The following FNDC3B variants were observed in gnomAD, a reference collection of about 807,000 sequenced individuals.
FNDC3B encodes the protein fibronectin type III domain-containing protein 3B.
Under a neutral mutation model 151.5 loss-of-function variants are expected in FNDC3B, and 12 were observed. The observed-to-expected ratio is 0.08, with a 90% CI of 0.05 to 0.13. FNDC3B has a LOEUF of 0.13. Among genes scored for constraint, FNDC3B ranks in the 10% least tolerant of loss-of-function variants. The pLI is 1.00. For missense variants in FNDC3B, 1,214 were observed against 1,505.3 expected, an observed-to-expected ratio of 0.81 and a Z score of 3.20; for synonymous variants, 528 against 549.0, an observed-to-expected ratio of 0.96 and a Z score of 0.54.
At chr3:172,385,628 G>A (rs1005217755) in intron 25 of FNDC3B, among the ~76,000 whole-genome samples, 39 of 150,328 alleles carry the variant, frequency 2.6e-4, no homozygotes, top group Non-Finnish European at 4.1e-4. Flanking sequence ...GCGTGATCTC[G>A]GCTCACTGCA....
intron 2 of FNDC3B, among the ~76,000 whole-genome samples, chr3:172,125,852 C>T (rs974720055): frequency 1.4e-4 from 22 of 151,966 alleles, no homozygotes; most frequent in Non-Finnish European, 1.8e-4. Flanking sequence ...GATACCGTAC[C>T]GGGTTGCTCA....
chr3:172,104,865 T>G (rs908936159), intron 1 of FNDC3B, among the ~76,000 whole-genome samples: 1 of 152,222 alleles, frequency 6.6e-6, no homozygotes, highest in African/African-American at 2.4e-5. Flanking sequence ...TGTTGGTGTT[T>G]CCATGGTTAT....
At chr3:172,212,537 A>C (rs1243420128) in intron 3 of FNDC3B, among the ~76,000 whole-genome samples, 5 of 152,174 alleles carry the variant, frequency 3.3e-5, no homozygotes, top group Non-Finnish European at 7.3e-5. Context: ...AAGGCCTAGA[A>C]ATTTTGACGT....
At chr3:172,392,673 G>A (rs539000356) in intron 25 of FNDC3B, among the ~76,000 whole-genome samples, 1 of 152,124 alleles carries the variant, frequency 6.6e-6, no homozygotes, top group African/African-American at 2.4e-5. Flanking sequence ...AACTGAATAG[G>A]TGGCAAGTGT....
intron 6 of FNDC3B, among the ~76,000 whole-genome samples, chr3:172,261,555 A>G (rs1728648605): frequency 6.6e-6 from 1 of 152,204 alleles, no homozygotes; most frequent in Admixed American, 6.5e-5. Flanking sequence ...AACCAGACAC[A>G]CAGTGTAGCA....
intron 6 of FNDC3B, among the ~76,000 whole-genome samples, chr3:172,282,692 C>A (rs1271906468): frequency 6.6e-6 from 1 of 152,166 alleles, no homozygotes; most frequent in Admixed American, 6.5e-5. Flanking sequence ...TCTCTTTCTC[C>A]CATCCACCTC....
At chr3:172,080,443 A>AATTT (rs5854458) in intron 1 of FNDC3B, among the ~76,000 whole-genome samples, 4 of 149,236 alleles carry the variant, frequency 2.7e-5, no homozygotes, top group African/African-American at 2.5e-5. Flanking sequence ...GCTAATTTAA[A>AATTT]TTTTTTTTTT....
chr3:172,295,462 G>T lies in FNDC3B; in HGVS notation c.949G>T (p.Glu317Ter). 6.2e-7 allele frequency: 1 copy of T among 1,614,020 alleles called. No individual in the cohort carries two copies. Among genetic ancestry groups the T allele is most frequent in the Non-Finnish European group, 8.5e-7 (1 of 1,179,892 alleles). ...HSGLSFPYSYEVALSDKGRDG... is the reference protein window; with the variant it reads ...HSGLSFPYSY ...TGGTCTTTCCTTCCCCTACAGTTAC[G>T]AGGTGGCCTTATCAGACAAAGGACG... The change falls in exon 8 of 26, where the codon GAG (glutamate) becomes TAG (stop). Residue 317 changes from glutamate (E) to a stop codon, truncating the protein, a stop_gained. Coordinates refer to ENST00000415807, the MANE Select transcript of FNDC3B (RefSeq NM_022763.4). LOFTEE classifies it high-confidence loss of function.
At chr3:172,063,518 A>G (rs1717322885) in intron 1 of FNDC3B, among the ~76,000 whole-genome samples, 1 of 152,198 alleles carries the variant, frequency 6.6e-6, no homozygotes, top group Non-Finnish European at 1.5e-5. Flanking sequence ...AGGAATCTGC[A>G]CTGAGGTTTC....
At chr3:172,378,844 G>T (rs28602735) in intron 24 of FNDC3B, among the ~76,000 whole-genome samples, 109 of 152,200 alleles carry the variant, frequency 7.2e-4, no homozygotes, top group South Asian at 2.3e-3. Flanking sequence ...CTCTTTTGGC[G>T]CACAGCTCTT....
At chr3:172,366,390 A>C (rs1734622826) in intron 23 of FNDC3B, among the ~76,000 whole-genome samples, 1 of 152,106 alleles carries the variant, frequency 6.6e-6, no homozygotes, top group African/African-American at 2.4e-5. Flanking sequence ...AAGCATTGAG[A>C]GCTTTGTCTA....
chr3:172,320,909 G>T (rs1052849973), intron 11 of FNDC3B, among the ~76,000 whole-genome samples: 10 of 152,272 alleles, frequency 6.6e-5, no homozygotes, highest in Middle Eastern at 3.4e-3. Flanking sequence ...ACTTGAAAAA[G>T]TTCTTTTGTT....
intron 7 of FNDC3B, 56 bp downstream of exon 7, chr3:172,286,040 GC>G (rs1729992183): frequency 5.2e-6 from 7 of 1,340,788 alleles, no homozygotes; most frequent in Non-Finnish European, 4.1e-6. Context: ...TTTCAAATGT[GC>G]TTTTTTTTTT....
chr3:172,092,794 A>G (rs1424322159), intron 1 of FNDC3B, among the ~76,000 whole-genome samples: 1 of 152,172 alleles, frequency 6.6e-6, no homozygotes, highest in Non-Finnish European at 1.5e-5. Flanking sequence ...AGGGCAGAGT[A>G]GGAAATACAT....
intron 12 of FNDC3B, 120 bp from the exon 13 acceptor site, chr3:172,330,421 G>T: frequency 1.3e-6 from 1 of 783,048 alleles, no homozygotes; most frequent in Non-Finnish European, 2.0e-6. Flanking sequence ...TCCTTACCTG[G>T]CTTTGCTTAC....
chr3:172,115,047 A>G (rs988853246), intron 2 of FNDC3B, among the ~76,000 whole-genome samples: 1 of 152,230 alleles, frequency 6.6e-6, no homozygotes. Flanking sequence ...TCTCAGCAGG[A>G]CCAGCCCAAG....
intron 3 of FNDC3B, among the ~76,000 whole-genome samples, chr3:172,219,164 T>A (rs1726143406): frequency 6.6e-6 from 1 of 152,220 alleles, no homozygotes; most frequent in Non-Finnish European, 1.5e-5. Flanking sequence ...ATTACTAACG[T>A]TTCCACAAGA....
intron 25 of FNDC3B, among the ~76,000 whole-genome samples, chr3:172,390,035 C>T (rs1246139751): frequency 6.6e-6 from 1 of 152,186 alleles, no homozygotes; most frequent in South Asian, 2.1e-4. Context: ...TCTTTATAAA[C>T]ACTGTGGTAT....
intron 1 of FNDC3B, among the ~76,000 whole-genome samples, chr3:172,107,416 T>C (rs1719713121): frequency 6.6e-6 from 1 of 152,112 alleles, no homozygotes; most frequent in South Asian, 2.1e-4. Flanking sequence ...ATTTCTTCAT[T>C]TGTAAAGGGT....
Sources: allele counts gnomAD v4.1 joint callset (sites outside exome capture counted in the v4.1 genomes callset), GRCh38; gene constraint gnomAD v4.1.1; transcripts MANE v1.5; gene names NCBI Gene and HGNC (gene_info 2026-07-23, HGNC 2026-07-21).